Variants in SNTG1 observed in about 807,000 individuals in gnomAD.
SNTG1 encodes the protein syntrophin gamma 1.
In SNTG1, 39 loss-of-function variants were observed where a neutral mutation model predicts 74.7. The observed-to-expected ratio is 0.52, with a 90% CI of 0.40 to 0.68. The LOEUF (loss-of-function observed/expected upper bound fraction) is 0.68. Among genes scored for constraint, SNTG1 ranks in the 30% least tolerant of loss-of-function variants. SNTG1 has a pLI of 0.00. For synonymous variants in SNTG1, 254 were observed against 217.1 expected (o/e 1.17, Z -1.49); for missense variants, 685 against 609.5 (o/e 1.12, Z -1.30).
chr8:50,351,235 C>T (rs981628677), intron 2 of SNTG1, among the ~76,000 whole-genome samples: 1 of 152,166 alleles, frequency 6.6e-6, no homozygotes, highest in African/African-American at 2.4e-5. Context: ...GGAGTTTCTT[C>T]TCAAGTTGTG....
At chr8:50,367,778 TAC>T (rs150834903) in intron 2 of SNTG1, among the ~76,000 whole-genome samples, 3 of 151,180 alleles carry the variant, frequency 2.0e-5, no homozygotes, top group Admixed American at 6.6e-5. Context: ...TTGTATTGTA[TAC>T]ACACACACAC....
At chr8:50,158,173 T>C (rs533382369) in intron 1 of SNTG1, among the ~76,000 whole-genome samples, 1 of 152,304 alleles carries the variant, frequency 6.6e-6, no homozygotes, top group African/African-American at 2.4e-5. Context: ...CTTCCCATTA[T>C]CAGGTTCAGA....
At chr8:50,452,960 T>A (rs749320749) in intron 8 of SNTG1, among the ~76,000 whole-genome samples, 21 of 152,208 alleles carry the variant, frequency 1.4e-4, no homozygotes, top group South Asian at 4.1e-4. Flanking sequence ...TGTACCACAT[T>A]TCTTATTCCA....
chr8:50,376,285 A>C (rs1252030745), intron 2 of SNTG1, among the ~76,000 whole-genome samples: 2 of 152,198 alleles, frequency 1.3e-5, no homozygotes, highest in Non-Finnish European at 2.9e-5. Flanking sequence ...ATTGGCAATT[A>C]CTAAAACTTG....
At chr8:50,070,958 G>T (rs918647374) in intron 1 of SNTG1, among the ~76,000 whole-genome samples, 3 of 152,150 alleles carry the variant, frequency 2.0e-5, no homozygotes, top group Admixed American at 6.5e-5. Flanking sequence ...TCATTTAGCT[G>T]CATGGTTGTT....
chr8:50,755,999 G>T (rs951444273), intron 18 of SNTG1, among the ~76,000 whole-genome samples: 8 of 150,086 alleles, frequency 5.3e-5, no homozygotes, highest in Admixed American at 4.7e-4. Flanking sequence ...ATCTGTTAAG[G>T]TTTCTGGCCC....
chr8:50,068,233 G>A (rs1387606649), intron 1 of SNTG1, among the ~76,000 whole-genome samples: 4 of 152,014 alleles, frequency 2.6e-5, no homozygotes, highest in South Asian at 2.1e-4. Context: ...TTAGCGGGCC[G>A]GACTGAGAGA....
chr8:50,358,983 T>C (rs937129385), intron 2 of SNTG1, among the ~76,000 whole-genome samples: 1 of 152,162 alleles, frequency 6.6e-6, no homozygotes, highest in African/African-American at 2.4e-5. Context: ...TGCCTGAAAA[T>C]ATGGCCTTGC....
At chr8:50,014,455 AATG>A (rs66865396) in intron 1 of SNTG1, among the ~76,000 whole-genome samples, 78,402 of 151,622 alleles carry the variant, frequency 0.52, 23,774 homozygotes, top group East Asian at 0.8. Flanking sequence ...AGATCTACAC[AATG>A]ATAAGGACTA....
At position 50,570,603 on chromosome 8, in the gene SNTG1, A is replaced by G. The variant is rs1341877611; in HGVS notation, c.810+17424A>G. 5.6e-5 allele frequency among the ~76,000 whole-genome samples: 8 copies of G among 142,024 alleles called. 1 individual carries two copies. The South Asian group carries it at 8.9e-4, about 16-fold the overall frequency. The allele number at this position is 142,024 out of a possible 152,430, so 93.2% of individuals were successfully genotyped here. A position where few individuals can be genotyped will look rare whatever the true frequency, so the allele number is the denominator to read the frequency against. ...TATTATTATTGTTGTTATTATTATT[A>G]TTATTATTATTATTATTATTTAGGT... On this transcript the variant is annotated intron_variant, in intron 12 of 18. Coordinates refer to ENST00000642720, the MANE Select transcript of SNTG1 (RefSeq NM_018967.5).
intron 1 of SNTG1, among the ~76,000 whole-genome samples, chr8:50,009,929 G>A (rs1442695369): frequency 6.6e-6 from 1 of 152,186 alleles, no homozygotes; most frequent in Non-Finnish European, 1.5e-5. Flanking sequence ...CCAGGAGGTG[G>A]AGGTTTTAGT....
intron 1 of SNTG1, among the ~76,000 whole-genome samples, chr8:50,009,449 T>A (rs1332531672): frequency 6.6e-6 from 1 of 152,178 alleles, no homozygotes; most frequent in African/African-American, 2.4e-5. Context: ...CGTGTAAATG[T>A]ATCCTAAAGG....
rs138651327 is a variant in SNTG1, at chr8:50,556,878, T to G, written c.810+3699T>G. The stretch of plus-strand genomic sequence containing the variant: ...AGCAGATGACCCTTGAGAGCATTTT[T>G]AGAAATCCAGTACATTCTAACCCAC... On this transcript the variant is annotated intron_variant, in intron 12 of 18. Transcript: ENST00000642720. Among the ~76,000 whole-genome samples the G allele has an allele frequency of 5.4e-3, 819 of 152,216 alleles. 7 individuals carry two copies. The highest frequency in any genetic ancestry group is 0.018 in the African/African-American group (764 of 41,536).
chr8:50,401,615 G>T (rs1000923796), intron 3 of SNTG1, among the ~76,000 whole-genome samples: 2 of 152,178 alleles, frequency 1.3e-5, no homozygotes, highest in East Asian at 3.9e-4. Flanking sequence ...ATGTGAGTGC[G>T]TGTTCATGCA....
intron 2 of SNTG1, among the ~76,000 whole-genome samples, chr8:50,324,177 GT>G (rs1386878483): frequency 1.3e-5 from 2 of 152,158 alleles, no homozygotes; most frequent in Non-Finnish European, 2.9e-5. Flanking sequence ...GCTAGGGCTG[GT>G]AAATATTTTC....
chr8:50,491,066 T>A (rs1041907135), intron 8 of SNTG1: 1 of 152,838 alleles, frequency 6.5e-6, no homozygotes, highest in African/African-American at 2.4e-5. Flanking sequence ...ACCTCACAGA[T>A]GGAACAGCAA....
chr8:50,165,046 A>G (rs1048261159), intron 1 of SNTG1, among the ~76,000 whole-genome samples: 2 of 152,148 alleles, frequency 1.3e-5, no homozygotes, highest in Non-Finnish European at 2.9e-5. Context: ...ATAATCTTTC[A>G]TCTCCCACAC....
chr8:50,027,234 C>T (rs1817346351), intron 1 of SNTG1, among the ~76,000 whole-genome samples: 1 of 152,144 alleles, frequency 6.6e-6, no homozygotes, highest in African/African-American at 2.4e-5. Context: ...AGGCTGCTTG[C>T]TCTCTATGCC....
chr8:50,405,844 A>T (rs996078472), intron 4 of SNTG1, among the ~76,000 whole-genome samples: 1 of 152,118 alleles, frequency 6.6e-6, no homozygotes, highest in Non-Finnish European at 1.5e-5. Flanking sequence ...ATCCAACTTC[A>T]TTCTTTAGCA....
Sources: gnomAD v4.1 joint callset for allele counts (sites outside exome capture counted in the v4.1 genomes callset) on GRCh38, gnomAD v4.1.1 for gene constraint, MANE v1.5 for transcripts, NCBI Gene and HGNC (gene_info 2026-07-23, HGNC 2026-07-21) for gene names.